Variants in PCDHAC1 observed in about 807,000 individuals in gnomAD.
The protein encoded by PCDHAC1 is protocadherin alpha-C1.
A neutral mutation model predicts 60.0 loss-of-function variants in PCDHAC1; 42 were observed. That is an observed-to-expected ratio of 0.70 (90% CI 0.55 to 0.90). The LOEUF is 0.90. PCDHAC1 is among the 40% of genes least tolerant of loss of function. PCDHAC1 has a pLI of 0.00. For missense variants in PCDHAC1, 1,160 were observed against 1,222.3 expected, an observed-to-expected ratio of 0.95 and a Z score of 0.76; for synonymous variants, 468 against 499.3, an observed-to-expected ratio of 0.94 and a Z score of 0.84.
In PCDHAC1 at chr5:141,009,814, A is replaced by C. The variant is rs781835321; in HGVS notation, c.2769A>C (p.Lys923Asn). Residue 923 changes from lysine to asparagine, a missense_variant, in exon 4 of 4, where the codon AAA (lysine) becomes AAC (asparagine). By Grantham distance (94) the Lys-to-Asn change is moderately conservative. Around this residue, in one of 3 missense-constraint regions of PCDHAC1, gnomAD observed 1,113 missense variants for 1,163.7 expected, o/e 0.96. Coordinates refer to ENST00000253807, the MANE Select transcript of PCDHAC1 (RefSeq NM_018898.5). ...RQEPTNSQID[K>N]SDFITFGKKE... ...AGCCTACTAACAGCCAAATTGACAA[A>C]AGTGACTTCATAACCTTCGGCAAAA... The C allele has an allele frequency of 6.2e-7, 1 of 1,614,124 alleles. No individual in the cohort carries two copies. The highest frequency in any genetic ancestry group is 8.5e-7 in the Non-Finnish European group (1 of 1,180,010).
chr5:140,989,665 T>C (rs2097353443), intron 3 of PCDHAC1, among the ~76,000 whole-genome samples: 1 of 152,190 alleles, frequency 6.6e-6, no homozygotes, highest in Non-Finnish European at 1.5e-5. Context: ...TAAAAGAAAC[T>C]CTGCCCAGAT....
intron 2 of PCDHAC1, among the ~76,000 whole-genome samples, chr5:140,981,776 A>T (rs908868836): frequency 2.4e-4 from 36 of 151,980 alleles, no homozygotes; most frequent in African/African-American, 8.0e-4. Context: ...TGAATACTGC[A>T]CCATGTTCTC....
At chr5:140,952,160 G>A (rs952147312) in intron 1 of PCDHAC1, among the ~76,000 whole-genome samples, 1 of 152,044 alleles carries the variant, frequency 6.6e-6, no homozygotes, top group Non-Finnish European at 1.5e-5. Context: ...GGCTTTGTGG[G>A]GTTCAGTTCC....
intron 1 of PCDHAC1, among the ~76,000 whole-genome samples, chr5:140,971,045 T>C (rs2096453995): frequency 6.6e-6 from 1 of 152,090 alleles, no homozygotes; most frequent in East Asian, 1.9e-4. Context: ...CGTAAAAGGG[T>C]TTAGCTTTAA....
At chr5:141,008,905 A>G (rs1212655574) in intron 3 of PCDHAC1, among the ~76,000 whole-genome samples, 2 of 152,256 alleles carry the variant, frequency 1.3e-5, no homozygotes, top group African/African-American at 4.8e-5. Flanking sequence ...TAAAATTAAG[A>G]TCAAATAATT....
rs782673786 is a variant in PCDHAC1 at position 140,929,179 on chromosome 5, G to T, written c.2287G>T (p.Gly763Cys). The stretch of plus-strand genomic sequence containing the variant: ...TCTCTATCGGGCCTCTCTGGGACTT[G>T]GTTCTGATAATAACAGTTTGCTGTT... Reference protein sequence around the residue: ...TYLYRASLGLGSDNNSLLLRG... With the variant: ...TYLYRASLGLCSDNNSLLLRG... Residue 763 changes from glycine to cysteine, a missense_variant, in exon 1 of 4, where the codon GGT (glycine) becomes TGT (cysteine). By Grantham distance (159) the Gly-to-Cys change is radical. Coordinates refer to ENST00000253807, the MANE Select transcript of PCDHAC1 (RefSeq NM_018898.5). 5 of 1,614,104 alleles carry T rather than the reference G, an allele frequency of 3.1e-6. No individual in the cohort carries two copies. Among genetic ancestry groups the T allele is most frequent in the Non-Finnish European group, 4.2e-6 (5 of 1,180,018 alleles).
At position 140,928,712 on chromosome 5, in the gene PCDHAC1, GT is replaced by G. The variant is rs782592622; in HGVS notation, c.1821del (p.Leu608SerfsTer8). 6.2e-7 allele frequency: 1 copy of G among 1,614,168 alleles called. No individual in the cohort carries two copies. The highest frequency in any genetic ancestry group is 8.5e-7 in the Non-Finnish European group (1 of 1,180,042). On this transcript the variant is annotated frameshift_variant, in exon 1 of 4. Coordinates refer to ENST00000253807, the MANE Select transcript of PCDHAC1 (RefSeq NM_018898.5). LOFTEE classifies it high-confidence loss of function. The part of the protein sequence containing the change: ...SYHISRASDS[S>X]LFRISANIGE... ...CACATCTCCCGGGCGTCTGACTCTA[GT>G]CTCTTTAGAATTTCAGCCAATATAG...
In PCDHAC1 at chr5:141,009,668, G is replaced by A. The variant is rs782068657; in HGVS notation, c.2623G>A (p.Val875Ile). The change falls in exon 4 of 4, where the codon GTC becomes ATC. Residue 875 changes from valine (V) to isoleucine (I), a missense_variant. Around this residue, in one of 3 missense-constraint regions of PCDHAC1, gnomAD observed 1,113 missense variants for 1,163.7 expected, o/e 0.96. Transcript: ENST00000253807. ...AGTGTCCCCTCCAGTCGGTGCGGGTGTCAACAGCAACAGCTGGACCTTTAA... is the reference window on the plus strand; with the variant it reads ...AGTGTCCCCTCCAGTCGGTGCGGGTATCAACAGCAACAGCTGGACCTTTAA... ...GEVSPPVGAG[V>I]NSNSWTFKYG... The A allele has an allele frequency of 1.2e-6, 2 of 1,614,108 alleles. No individual in the cohort carries two copies. Among genetic ancestry groups the A allele is most frequent in the Non-Finnish European group, 1.7e-6 (2 of 1,180,018 alleles).
chr5:140,991,019 T>G (rs1333119856), intron 3 of PCDHAC1, among the ~76,000 whole-genome samples: 1 of 152,178 alleles, frequency 6.6e-6, no homozygotes, highest in Non-Finnish European at 1.5e-5. Flanking sequence ...GATAAGCACT[T>G]TACATATGTT....
intron 1 of PCDHAC1, chr5:140,969,383 C>G: frequency 6.3e-7 from 1 of 1,597,986 alleles, no homozygotes; most frequent in Non-Finnish European, 8.5e-7. Context: ...TGTTACACAT[C>G]CCCCAATATC....
chr5:140,969,631 G>C (rs1554231956), intron 1 of PCDHAC1: 1 of 227,796 alleles, frequency 4.4e-6, no homozygotes, highest in Non-Finnish European at 7.3e-6. Flanking sequence ...AAACAGGACA[G>C]GCCTTGGAAT....
At chr5:140,997,374 A>G (rs1296402204) in intron 3 of PCDHAC1, among the ~76,000 whole-genome samples, 1 of 152,212 alleles carries the variant, frequency 6.6e-6, no homozygotes, top group Non-Finnish European at 1.5e-5. Flanking sequence ...TAGATGATAT[A>G]GCATACTACA....
chr5:141,001,706 C>T (rs2098033561), intron 3 of PCDHAC1, among the ~76,000 whole-genome samples: 1 of 151,850 alleles, frequency 6.6e-6, no homozygotes, highest in African/African-American at 2.4e-5. Flanking sequence ...AAATAGGGGG[C>T]GGGGAAGGAG....
chr5:140,978,233 AT>A (rs1360475808), intron 1 of PCDHAC1, among the ~76,000 whole-genome samples: 2 of 152,196 alleles, frequency 1.3e-5, no homozygotes, highest in African/African-American at 4.8e-5. Context: ...TTTTTCTTGG[AT>A]TTCAGCTACT....
intron 1 of PCDHAC1, chr5:140,969,195 A>G: frequency 6.2e-7 from 1 of 1,614,158 alleles, no homozygotes; most frequent in Non-Finnish European, 8.5e-7. Flanking sequence ...ATGTTTTACA[A>G]TACAGGGGCC....
At chr5:140,939,603 CAG>C (rs2092419919) in intron 1 of PCDHAC1, among the ~76,000 whole-genome samples, 2 of 152,068 alleles carry the variant, frequency 1.3e-5, no homozygotes, top group Non-Finnish European at 2.9e-5. Flanking sequence ...TGCTCAAAAA[CAG>C]AACAAGGAGA....
At chr5:140,996,802 T>C (rs1554255415) in intron 3 of PCDHAC1, among the ~76,000 whole-genome samples, 1 of 152,218 alleles carries the variant, frequency 6.6e-6, no homozygotes, top group Non-Finnish European at 1.5e-5. Flanking sequence ...CATCCAATCA[T>C]GCTTTCCAAA....
At chr5:140,996,947 T>C (rs1224598113) in intron 3 of PCDHAC1, among the ~76,000 whole-genome samples, 2 of 152,176 alleles carry the variant, frequency 1.3e-5, no homozygotes, top group Non-Finnish European at 2.9e-5. Context: ...CATAGAAATA[T>C]TTATTTCCCT....
At chr5:140,996,077 G>A in intron 3 of PCDHAC1, among the ~76,000 whole-genome samples, 1 of 152,218 alleles carries the variant, frequency 6.6e-6, no homozygotes, top group East Asian at 1.9e-4. Flanking sequence ...GATTCAAGAT[G>A]TTTTTGCTAG....
Sources: gnomAD v4.1 joint callset for allele counts (sites outside exome capture counted in the v4.1 genomes callset) on GRCh38, gnomAD v4.1.1 for gene constraint, gnomAD v4.1.1 regional missense constraint, MANE v1.5 for transcripts, NCBI Gene and HGNC (gene_info 2026-07-23, HGNC 2026-07-21) for gene names.